Variants in DLG2 observed in about 807,000 individuals in gnomAD.
DLG2 encodes the protein discs large MAGUK scaffold protein 2, also known as disks large homolog 2.
DLG2 carries 45 observed loss-of-function variants against 132.5 expected under a neutral mutation model. That is an observed-to-expected ratio of 0.34 (90% CI 0.27 to 0.44). The LOEUF (loss-of-function observed/expected upper bound fraction) is 0.44, where lower values mean the gene tolerates loss of function less well. Ranked by LOEUF, DLG2 falls within the 20% of genes least tolerant of loss-of-function variation. The pLI, the probability that DLG2 is intolerant of heterozygous loss-of-function variation, is 1.00. For synonymous variants in DLG2, 424 were observed against 419.6 expected, an observed-to-expected ratio of 1.01 and a Z score of -0.13; for missense variants, 1,045 against 1,196.9, an observed-to-expected ratio of 0.87 and a Z score of 1.87.
chr11:83,975,110 T>G (rs2154169742), intron 12 of DLG2, among the ~76,000 whole-genome samples: 1 of 152,180 alleles, frequency 6.6e-6, no homozygotes, highest in Admixed American at 6.6e-5. Flanking sequence ...ACATTTCTGG[T>G]TTATATAGAA....
chr11:84,792,406 T>C (rs1055712965), intron 6 of DLG2, among the ~76,000 whole-genome samples: 1 of 152,138 alleles, frequency 6.6e-6, no homozygotes, highest in Non-Finnish European at 1.5e-5. Context: ...GATGTGTCTG[T>C]CTGATTTTTG....
intron 6 of DLG2, among the ~76,000 whole-genome samples, chr11:84,581,394 C>A (rs1236462817): frequency 1.3e-5 from 2 of 151,912 alleles, no homozygotes; most frequent in Admixed American, 6.6e-5. Context: ...TGTGATTATT[C>A]CTCCAGCATT....
At chr11:83,652,078 T>C in intron 18 of DLG2, 1 of 301,422 alleles carries the variant, frequency 3.3e-6, no homozygotes, top group Non-Finnish European at 6.7e-6. Context: ...TAAATTAAAA[T>C]GTAGTATCAT....
intron 3 of DLG2, among the ~76,000 whole-genome samples, chr11:85,499,972 G>A (rs563338728): frequency 1.4e-4 from 21 of 152,018 alleles, no homozygotes; most frequent in Non-Finnish European, 2.5e-4. Flanking sequence ...TATTTATGAT[G>A]AACCCATAGC....
intron 6 of DLG2, among the ~76,000 whole-genome samples, chr11:85,075,894 TG>T (rs1226403681): frequency 6.6e-6 from 1 of 151,912 alleles, no homozygotes; most frequent in African/African-American, 2.4e-5. Flanking sequence ...ATTTAATTAT[TG>T]TAAGTAGAAT....
At chr11:85,596,816 G>A (rs1460760787) in intron 3 of DLG2, among the ~76,000 whole-genome samples, 1 of 152,170 alleles carries the variant, frequency 6.6e-6, no homozygotes, top group African/African-American at 2.4e-5. Flanking sequence ...TAAAGAAAAT[G>A]CACAGTAAGA....
At chr11:85,588,238 T>A (rs1286647446) in intron 3 of DLG2, among the ~76,000 whole-genome samples, 1 of 152,208 alleles carries the variant, frequency 6.6e-6, no homozygotes, top group Non-Finnish European at 1.5e-5. Context: ...TGTATTTGGA[T>A]GTTTAGTTCT....
At chr11:83,666,181 AATCTCTT>A (rs1306471523) in intron 18 of DLG2, among the ~76,000 whole-genome samples, 1 of 152,188 alleles carries the variant, frequency 6.6e-6, no homozygotes, top group African/African-American at 2.4e-5. Context: ...ATAAATTTAT[AATCTCTT>A]ATCTCTTTAA....
intron 6 of DLG2, among the ~76,000 whole-genome samples, chr11:84,544,627 T>C (rs753137195): frequency 3.3e-5 from 5 of 152,224 alleles, no homozygotes; most frequent in Non-Finnish European, 5.9e-5. Context: ...ACTTGCTATC[T>C]GGGAGACATC....
chr11:83,743,122 T>C (rs1177394417), intron 18 of DLG2, among the ~76,000 whole-genome samples: 2 of 152,194 alleles, frequency 1.3e-5, no homozygotes, highest in African/African-American at 4.8e-5. Flanking sequence ...AGGTCATAGG[T>C]AGGCCCTACA....
chr11:84,877,140 G>A (rs577552208), intron 6 of DLG2, among the ~76,000 whole-genome samples: 1 of 152,254 alleles, frequency 6.6e-6, no homozygotes, highest in South Asian at 2.1e-4. Context: ...GTGATGTGGT[G>A]CTGAGAAGAA....
intron 2 of DLG2, among the ~76,000 whole-genome samples, chr11:85,621,422 T>A (rs562338067): frequency 5.9e-5 from 9 of 152,338 alleles, no homozygotes; most frequent in African/African-American, 1.9e-4. Context: ...TAAGACTATA[T>A]CTGCCACAGT....
intron 15 of DLG2, among the ~76,000 whole-genome samples, chr11:83,886,657 AC>A (rs1300077011): frequency 6.6e-6 from 1 of 151,494 alleles, no homozygotes; most frequent in Admixed American, 6.6e-5. Flanking sequence ...TTTTTTCAGC[AC>A]CACACCACAC....
intron 7 of DLG2, among the ~76,000 whole-genome samples, chr11:84,524,510 C>T (rs899635626): frequency 2.6e-5 from 4 of 152,224 alleles, no homozygotes; most frequent in Non-Finnish European, 5.9e-5. Context: ...AGTCCTGGAA[C>T]ACAATGTGCT....
At position 85,325,474 on chromosome 11, in the gene DLG2, G is replaced by A. The variant is rs1361704737; in HGVS notation, c.41-40109C>T. ...AGTGGGTCCCTGACCCCTGACCCCC[G>A]AGCAGCCTAACTGGGAGGCACCCCC... On this transcript the variant is annotated intron_variant, in intron 3 of 27. Transcript: ENST00000376104. Among the ~76,000 whole-genome samples the A allele has an allele frequency of 3.4e-3, 467 of 136,602 alleles. 2 individuals are homozygous for A. Among genetic ancestry groups the A allele is most frequent in the African/African-American group, 0.012 (438 of 36,098 alleles). The allele number at this position is 136,602 out of a possible 152,430, so 89.6% of individuals were successfully genotyped here. A position where few individuals can be genotyped will look rare whatever the true frequency, so the allele number is the denominator to read the frequency against.
chr11:85,576,448 A>G (rs1449004200), intron 3 of DLG2, among the ~76,000 whole-genome samples: 1 of 152,188 alleles, frequency 6.6e-6, no homozygotes, highest in Non-Finnish European at 1.5e-5. Context: ...TAAAATTTCT[A>G]CTGAATTAAC....
intron 7 of DLG2, among the ~76,000 whole-genome samples, chr11:84,518,968 G>A (rs962947087): frequency 3.9e-5 from 6 of 152,184 alleles, no homozygotes; most frequent in Non-Finnish European, 7.4e-5. Context: ...TAGTAAAACA[G>A]AGACCATAAA....
intron 6 of DLG2, among the ~76,000 whole-genome samples, chr11:84,547,381 T>C (rs1460955553): frequency 3.9e-5 from 6 of 152,162 alleles, no homozygotes; most frequent in Non-Finnish European, 8.8e-5. Context: ...TCTCACAAAG[T>C]ACACTTTAGC....
intron 6 of DLG2, among the ~76,000 whole-genome samples, chr11:84,754,444 T>C (rs1302214105): frequency 6.6e-6 from 1 of 152,198 alleles, no homozygotes; most frequent in African/African-American, 2.4e-5. Flanking sequence ...TAAATGATCT[T>C]ATTTAATAGA....
Sources: allele counts gnomAD v4.1 joint callset (sites outside exome capture counted in the v4.1 genomes callset), GRCh38; gene constraint gnomAD v4.1.1; transcripts MANE v1.5; gene names NCBI Gene and HGNC (gene_info 2026-07-23, HGNC 2026-07-21).